The following RGS6 variants were observed in gnomAD, a reference collection of about 807,000 sequenced individuals.
The protein encoded by RGS6 is regulator of G protein signaling 6, also known as regulator of G-protein signaling 6.
Under a neutral mutation model 78.5 loss-of-function variants are expected in RGS6, and 30 were observed. The observed-to-expected ratio is 0.38, with a 90% confidence interval of 0.29 to 0.52. The LOEUF (loss-of-function observed/expected upper bound fraction) is 0.52, where lower values mean the gene tolerates loss of function less well. RGS6 is among the 20% of genes least tolerant of loss of function. The pLI, the probability that RGS6 is intolerant of heterozygous loss-of-function variation, is 0.85. For missense variants in RGS6, 495 were observed against 609.7 expected (o/e 0.81, Z 1.98); for synonymous variants, 206 against 206.0 (o/e 1.00, Z 0.00).
Position 72,478,344 on chromosome 14 carries a change from A to G in RGS6, c.854+15A>G. 4 of 1,544,390 alleles carry G rather than the reference A, an allele frequency of 2.6e-6. No individual in the cohort carries two copies. Among genetic ancestry groups the G allele is most frequent in the Non-Finnish European group, 3.6e-6 (4 of 1,118,420 alleles). ...GTGGCTGAAAGGTATGTTTTCCTTT[A>G]ATAATATTACTACTTTCTTCTAATT... On this transcript the variant is annotated intron_variant, in intron 12 of 17. Coordinates refer to ENST00000553525, the MANE Select transcript of RGS6 (RefSeq NM_001204424.2).
intron 2 of RGS6, among the ~76,000 whole-genome samples, chr14:72,218,477 A>T (rs1474144178): frequency 6.6e-6 from 1 of 152,096 alleles, no homozygotes; most frequent in Non-Finnish European, 1.5e-5. Flanking sequence ...TTAAATTAAT[A>T]TGTTGTATCA....
chr14:72,522,749 A>C lies in RGS6; in HGVS notation c.1278+4212A>C, dbSNP rs1485058731. Among the ~76,000 whole-genome samples, 4 of 152,212 alleles carry C rather than the reference A, an allele frequency of 2.6e-5. No individual in the cohort carries two copies. The East Asian group carries it at 7.7e-4, about 29-fold the overall frequency. The stretch of plus-strand genomic sequence containing the variant: ...TCGCTCATGGGATGTAAAGATCTAG[A>C]TCACAGGTCTGTATCTGTAGATTTG... On this transcript the variant is annotated intron_variant, in intron 15 of 17. Transcript: ENST00000553525.
intron 2 of RGS6, among the ~76,000 whole-genome samples, chr14:72,050,315 G>A (rs1163638680): frequency 2.0e-5 from 3 of 152,156 alleles, no homozygotes; most frequent in Non-Finnish European, 4.4e-5. Flanking sequence ...TTGTAATACT[G>A]AATATATTTT....
chr14:71,885,246 G>A, the RGS6 span, among the ~76,000 whole-genome samples: 1 of 152,170 alleles, frequency 6.6e-6, no homozygotes, highest in South Asian at 2.1e-4. Context: ...CTACTCCGTC[G>A]ACACTAAAGA....
chr14:71,919,662 C>T, the RGS6 span, among the ~76,000 whole-genome samples: 1 of 152,144 alleles, frequency 6.6e-6, no homozygotes, highest in Non-Finnish European at 1.5e-5. Flanking sequence ...CTCTAATCAA[C>T]ACCAGAGGAT....
At chr14:72,303,371 T>C (rs1567706456) in intron 2 of RGS6, among the ~76,000 whole-genome samples, 1 of 152,132 alleles carries the variant, frequency 6.6e-6, no homozygotes. Context: ...AGTGATGGCA[T>C]GTGCCTATAA....
intron 2 of RGS6, among the ~76,000 whole-genome samples, chr14:72,182,694 A>G (rs994911010): frequency 9.2e-5 from 14 of 152,210 alleles, no homozygotes; most frequent in Non-Finnish European, 1.5e-4. Context: ...AGAGGCTGGG[A>G]AAAAGTCAGA....
At chr14:72,337,575 C>T (rs911979935) in intron 2 of RGS6, among the ~76,000 whole-genome samples, 4 of 152,098 alleles carry the variant, frequency 2.6e-5, no homozygotes, top group African/African-American at 4.8e-5. Context: ...CTGGCCGGTT[C>T]GATGAGTGGT....
intron 3 of RGS6, among the ~76,000 whole-genome samples, chr14:72,432,040 G>T (rs2094669887): frequency 6.6e-6 from 1 of 152,064 alleles, no homozygotes; most frequent in African/African-American, 2.4e-5. Flanking sequence ...TGTTGTTAGG[G>T]GCTAAGACCA....
intron 17 of RGS6, among the ~76,000 whole-genome samples, chr14:72,544,056 T>G (rs914243428): frequency 6.6e-6 from 1 of 152,218 alleles, no homozygotes; most frequent in African/African-American, 2.4e-5. Context: ...GTGTGCTTGT[T>G]GCTTCAGCTT....
intron 1 of RGS6, among the ~76,000 whole-genome samples, chr14:71,945,495 A>C (rs2152973865): frequency 6.6e-6 from 1 of 152,374 alleles, no homozygotes; most frequent in Admixed American, 6.5e-5. Context: ...CAATGGTAAC[A>C]AGTTGTAATT....
chr14:72,546,081 G>T (rs962256469), intron 17 of RGS6, among the ~76,000 whole-genome samples: 3 of 152,176 alleles, frequency 2.0e-5, no homozygotes, highest in African/African-American at 7.2e-5. Context: ...CTGCTACCAG[G>T]CTTTCTGGTT....
chr14:72,145,276 G>T (rs2096592914), intron 2 of RGS6, among the ~76,000 whole-genome samples: 1 of 152,118 alleles, frequency 6.6e-6, no homozygotes, highest in Non-Finnish European at 1.5e-5. Context: ...TACTGCAAAG[G>T]CAGACTGGTC....
intron 3 of RGS6, among the ~76,000 whole-genome samples, chr14:72,394,370 T>TGGAGGTGGGGCGAGATCAC (rs2090683581): frequency 6.6e-6 from 1 of 151,938 alleles, no homozygotes; most frequent in African/African-American, 2.4e-5. Flanking sequence ...ACAAGGCAAA[T>TGGAGGTGGGGCGAGATCAC]GGAGGTGGGG....
the RGS6 span, among the ~76,000 whole-genome samples, chr14:71,919,626 G>A: frequency 2.6e-5 from 4 of 152,190 alleles, no homozygotes; most frequent in African/African-American, 9.7e-5. Context: ...GTGGGAGAAG[G>A]TTAATATATG....
At position 72,392,187 on chromosome 14, in the gene RGS6, A is replaced by AATATATATATAT. The variant is rs59588686; in HGVS notation, c.184+39998_184+40009dup. On this transcript the variant is annotated intron_variant, in intron 3 of 17. Transcript: ENST00000553525. ...ATATATATATACACATACATACACA[A>AATATATATATAT]ATATATATATATATATTTGTCACAA... Among the ~76,000 whole-genome samples, 6 of 149,370 alleles carry AATATATATATAT rather than the reference A, an allele frequency of 4.0e-5. No homozygotes were observed. In the South Asian group the frequency reaches 1.3e-3, roughly 32 times the overall value.
At chr14:72,213,287 TG>T (rs2044640807) in intron 2 of RGS6, among the ~76,000 whole-genome samples, 1 of 152,114 alleles carries the variant, frequency 6.6e-6, no homozygotes, top group Admixed American at 6.5e-5. Flanking sequence ...ATGTTACTCC[TG>T]GGAGCTTCTC....
rs552307789 is a variant in RGS6 at position 72,259,115 on chromosome 14, G to T, written c.85-92980G>T. On this transcript the variant is annotated intron_variant, in intron 2 of 17. Coordinates refer to ENST00000553525, the MANE Select transcript of RGS6 (RefSeq NM_001204424.2). The stretch of plus-strand genomic sequence containing the variant: ...CCTATAGTGTCTGCTACACAGAGAG[G>T]TTGCAAACTGGCAGTCCACCAGTGT... 1.4e-4 allele frequency among the ~76,000 whole-genome samples: 22 copies of T among 152,266 alleles called. No individual in the cohort carries two copies. The South Asian group carries it at 3.9e-3, about 27-fold the overall frequency.
rs376155954 is a variant in RGS6 at position 71,985,344 on chromosome 14, G to C, written c.84+20469G>C. Among the ~76,000 whole-genome samples, 30 of 152,230 alleles carry C rather than the reference G, an allele frequency of 2.0e-4. No individual in the cohort carries two copies. The South Asian group carries it at 5.6e-3, about 28-fold the overall frequency. On this transcript the variant is annotated intron_variant, in intron 2 of 17. Coordinates refer to ENST00000553525, the MANE Select transcript of RGS6 (RefSeq NM_001204424.2). Reference sequence around the variant, plus strand: ...TCACTATGTTGGCCAGAATGGTCTCGATCTCTTGACCTCATGATCCGCCCA... The same window carrying C: ...TCACTATGTTGGCCAGAATGGTCTCCATCTCTTGACCTCATGATCCGCCCA...
Sources: gnomAD v4.1 joint callset for allele counts (sites outside exome capture counted in the v4.1 genomes callset) on GRCh38, gnomAD v4.1.1 for gene constraint, MANE v1.5 for transcripts, NCBI Gene and HGNC (gene_info 2026-07-23, HGNC 2026-07-21) for gene names.